WNT3: variants seen among roughly 807,000 people sequenced by gnomAD.
WNT3 encodes proto-oncogene Wnt-3.
Under a neutral mutation model 34.2 loss-of-function variants are expected in WNT3, and 7 were observed. That is an observed-to-expected ratio of 0.20 (90% CI 0.12 to 0.38). WNT3 has a LOEUF of 0.38. WNT3 is among the 10% of genes least tolerant of loss of function. WNT3 has a pLI of 1.00. For synonymous variants in WNT3, 212 were observed against 211.5 expected, an observed-to-expected ratio of 1.00 and a Z score of -0.02; for missense variants, 267 against 499.8, an observed-to-expected ratio of 0.53 and a Z score of 4.44.
Position 46,768,011 on chromosome 17 carries a change from C to T in WNT3, c.*8+301G>A, listed in dbSNP as rs910077080. ...CCATGTTGGCCAGGCCGGTCTCGAA[C>T]TCCTGACCTCAGGTGATCCGTCCAC... is the stretch of plus-strand genomic sequence containing the variant. On this transcript the variant is annotated intron_variant, in intron 4 of 4. Coordinates refer to ENST00000225512, the MANE Select transcript of WNT3 (RefSeq NM_030753.5). This position sits in a 1 kb window ranked among gnomAD's most constrained non-coding sequence, Gnocchi z 5.0. 1.3e-5 allele frequency among the ~76,000 whole-genome samples: 2 copies of T among 152,214 alleles called. No homozygotes were observed. Among genetic ancestry groups the T allele is most frequent in the Admixed American group, 1.3e-4 (2 of 15,278 alleles).
intron 2 of WNT3, among the ~76,000 whole-genome samples, chr17:46,771,782 C>T (rs1314931565): frequency 7.0e-6 from 1 of 143,726 alleles, no homozygotes; most frequent in Non-Finnish European, 1.5e-5. Flanking sequence ...CGCGCCGCGC[C>T]GCGCCGAATG....
intron 1 of WNT3, among the ~76,000 whole-genome samples, chr17:46,777,204 C>T (rs1222144191): frequency 6.6e-6 from 1 of 151,718 alleles, no homozygotes; most frequent in South Asian, 2.1e-4. Flanking sequence ...AGCGAGACTT[C>T]GTCTCAAAAA....
chr17:46,813,471 G>T (rs759308352), intron 1 of WNT3, among the ~76,000 whole-genome samples: 1 of 149,938 alleles, frequency 6.7e-6, no homozygotes, highest in Non-Finnish European at 1.5e-5. Flanking sequence ...AACCTTTGGC[G>T]GGGGGTGGGG....
At chr17:46,804,234 C>T (rs916545209) in intron 1 of WNT3, among the ~76,000 whole-genome samples, 1 of 152,018 alleles carries the variant, frequency 6.6e-6, no homozygotes, top group East Asian at 1.9e-4. Flanking sequence ...ACTACAGGTG[C>T]GTGCCACCAC....
At chr17:46,779,984 C>T (rs1380271327) in intron 1 of WNT3, among the ~76,000 whole-genome samples, 1 of 152,176 alleles carries the variant, frequency 6.6e-6, no homozygotes, top group Admixed American at 6.5e-5. Context: ...GTCTGGAACT[C>T]CTGACCAAGT....
intron 1 of WNT3, among the ~76,000 whole-genome samples, chr17:46,775,573 C>T (rs1336648647): frequency 6.9e-6 from 1 of 145,906 alleles, no homozygotes. Flanking sequence ...AAGCACTGAG[C>T]TTTTTCTAAA....
intron 2 of WNT3, among the ~76,000 whole-genome samples, chr17:46,772,180 T>A (rs1201150755): frequency 6.6e-6 from 1 of 152,148 alleles, no homozygotes; most frequent in African/African-American, 2.4e-5. Context: ...GGGGCGCGTA[T>A]GCGCTCGCGG....
intron 1 of WNT3, among the ~76,000 whole-genome samples, chr17:46,808,733 G>A (rs953408299): frequency 4.6e-5 from 7 of 152,080 alleles, no homozygotes; most frequent in African/African-American, 1.2e-4. Flanking sequence ...CTTAAGCATC[G>A]TGTGAACTGG....
chr17:46,807,407 G>A (rs188169238), intron 1 of WNT3, among the ~76,000 whole-genome samples: 4 of 152,230 alleles, frequency 2.6e-5, no homozygotes, highest in African/African-American at 9.6e-5. Context: ...GCTTGAACCC[G>A]GGAGGCGGAG....
rs776513585 is a variant in WNT3, at chr17:46,768,438, C to T, written c.950G>A (p.Arg317Gln). The change falls in exon 4 of 5, where the codon CGG (arginine) becomes CAG (glutamine). Residue 317 changes from arginine (R) to glutamine (Q), a missense_variant. This residue lies in a region of WNT3 where 60 missense variants were observed against 82.7 expected (regional missense o/e 0.73). Transcript: ENST00000225512. The surrounding 1 kb of genome is among the most constrained non-coding windows in gnomAD (Gnocchi z 5.0). ...CTTCTCCGTCCTCGTGTTGTGGCCC[C>T]GGCCACAGCAGAGCAGATCGCAGCC... ...IDGCDLLCCG[R>Q]GHNTRTEKRK... 1 of 1,614,094 alleles carries T rather than the reference C, an allele frequency of 6.2e-7. No homozygotes were observed. The highest frequency in any genetic ancestry group is 8.5e-7 in the Non-Finnish European group (1 of 1,180,036).
At chr17:46,791,279 T>C (rs1481074365) in intron 1 of WNT3, among the ~76,000 whole-genome samples, 1 of 151,948 alleles carries the variant, frequency 6.6e-6, no homozygotes, top group African/African-American at 2.4e-5. Context: ...AGTGGCGTGA[T>C]CTCAGCTCAC....
At chr17:46,795,840 GCT>G (rs1341460243) in intron 1 of WNT3, among the ~76,000 whole-genome samples, 4 of 152,114 alleles carry the variant, frequency 2.6e-5, no homozygotes, top group Non-Finnish European at 4.4e-5. Context: ...GTGCACTCTT[GCT>G]CTCTGTCTCT....
At position 46,768,137 on chromosome 17, in the gene WNT3, A is replaced by C. The variant is rs2059330924; in HGVS notation, c.*8+175T>G. Among the ~76,000 whole-genome samples, 3 of 152,188 alleles carry C rather than the reference A, an allele frequency of 2.0e-5. No individual in the cohort carries two copies. Among genetic ancestry groups the C allele is most frequent in the African/African-American group, 7.2e-5 (3 of 41,444 alleles). On this transcript the variant is annotated intron_variant, in intron 4 of 4. Transcript: ENST00000225512. This position sits in a 1 kb window ranked among gnomAD's most constrained non-coding sequence, Gnocchi z 5.0. ...TGTGCAATCCACCAAGTCTCTGCCC[A>C]AGGACCATTCCCACGGATGCTTGAA...
intron 1 of WNT3, among the ~76,000 whole-genome samples, chr17:46,803,126 G>C (rs2084147601): frequency 6.6e-6 from 1 of 152,250 alleles, no homozygotes; most frequent in Non-Finnish European, 1.5e-5. Context: ...CCGCAGAATT[G>C]ACAGCTTGCT....
At chr17:46,809,180 TC>T (rs2084237376) in intron 1 of WNT3, among the ~76,000 whole-genome samples, 2 of 152,036 alleles carry the variant, frequency 1.3e-5, no homozygotes, top group African/African-American at 4.8e-5. Flanking sequence ...ATAGGGAGCC[TC>T]AGTACCAGAT....
intron 2 of WNT3, among the ~76,000 whole-genome samples, chr17:46,771,947 C>G (rs2059377657): frequency 6.8e-6 from 1 of 147,982 alleles, no homozygotes; most frequent in Non-Finnish European, 1.5e-5. Context: ...GCCGCCGCGC[C>G]TCGCCCCTTC....
At chr17:46,765,653 G>A (rs1443680581) in intron 4 of WNT3, among the ~76,000 whole-genome samples, 1 of 152,246 alleles carries the variant, frequency 6.6e-6, no homozygotes, top group Non-Finnish European at 1.5e-5. Context: ...GTCTTGCCTA[G>A]CGGAGTCTCG....
intron 2 of WNT3, among the ~76,000 whole-genome samples, chr17:46,771,632 T>G (rs1191051632): frequency 1.4e-5 from 2 of 144,676 alleles, no homozygotes; most frequent in Non-Finnish European, 3.1e-5. Flanking sequence ...ACCCGCATAA[T>G]GCGGCCGCCG....
At chr17:46,817,028 T>C (rs1444850579) in intron 1 of WNT3, among the ~76,000 whole-genome samples, 1 of 152,068 alleles carries the variant, frequency 6.6e-6, no homozygotes, top group Non-Finnish European at 1.5e-5. Context: ...CCCGGAAAAG[T>C]GTGGGTTGGG....
Sources: gnomAD v4.1 joint callset for allele counts (sites outside exome capture counted in the v4.1 genomes callset) on GRCh38, gnomAD v4.1.1 for gene constraint, gnomAD v4.1.1 regional missense constraint, Gnocchi (gnomAD v3.1) non-coding constraint, MANE v1.5 for transcripts, NCBI Gene and HGNC (gene_info 2026-07-23, HGNC 2026-07-21) for gene names.